ABCC3: variants seen among roughly 807,000 people sequenced by gnomAD.
The protein encoded by ABCC3 is ATP binding cassette subfamily C member 3.
A neutral mutation model predicts 165.3 loss-of-function variants in ABCC3; 121 were observed. The observed-to-expected ratio is 0.73, with a 90% CI of 0.63 to 0.85. ABCC3 has a LOEUF of 0.85. Ranked by LOEUF, ABCC3 falls within the 40% of genes least tolerant of loss-of-function variation. ABCC3 has a pLI of 0.00. For missense variants in ABCC3, 1,869 were observed against 1,964.1 expected (o/e 0.95, Z 0.92); for synonymous variants, 733 against 810.1 (o/e 0.90, Z 1.62).
At chr17:50,636,537 A>G (rs1461442250) in intron 1 of ABCC3, among the ~76,000 whole-genome samples, 1 of 152,250 alleles carries the variant, frequency 6.6e-6, no homozygotes, top group Non-Finnish European at 1.5e-5. Context: ...ACCAGGGTCC[A>G]GAGGTTGTGC....
chr17:50,672,391 A>G (rs1967668043), intron 17 of ABCC3, among the ~76,000 whole-genome samples: 2 of 152,224 alleles, frequency 1.3e-5, no homozygotes, highest in African/African-American at 4.8e-5. Context: ...ATAGGTATAT[A>G]CACATTTGTG....
At chr17:50,654,410 G>T (rs997841443) in intron 1 of ABCC3, among the ~76,000 whole-genome samples, 1 of 152,186 alleles carries the variant, frequency 6.6e-6, no homozygotes, top group African/African-American at 2.4e-5. Flanking sequence ...TTCCAAAAAA[G>T]TTCATAGGTG....
intron 17 of ABCC3, 101 bp from the exon 18 acceptor site, chr17:50,672,870 G>GAAAAAAA (rs376786367): frequency 1.2e-6 from 1 of 856,900 alleles, no homozygotes; most frequent in Non-Finnish European, 1.6e-6. Flanking sequence ...CCCATCTCAG[G>GAAAAAAA]AAAAAAAAAA....
In ABCC3 at chr17:50,690,722, T is replaced by C. The variant is rs557242334; in HGVS notation, c.4476-370T>C. On this transcript the variant is annotated intron_variant, in intron 30 of 30. Coordinates refer to ENST00000285238, the MANE Select transcript of ABCC3 (RefSeq NM_003786.4). ...GCAGCTGGTTTCCTGCCGTGTGCTTTTGTGAGCCGACACAAAGCAGATGGA... is the reference window on the plus strand; with the variant it reads ...GCAGCTGGTTTCCTGCCGTGTGCTTCTGTGAGCCGACACAAAGCAGATGGA... 9.8e-5 allele frequency among the ~76,000 whole-genome samples: 15 copies of C among 152,322 alleles called. No homozygotes were observed. In the South Asian group the frequency reaches 3.1e-3, roughly 32 times the overall value.
In ABCC3 at chr17:50,676,029, C is replaced by A; in HGVS notation, c.3006C>A (p.Asp1002Glu). The A allele has an allele frequency of 6.2e-7, 1 of 1,614,196 alleles. No homozygotes were observed. The highest frequency in any genetic ancestry group is 8.5e-7 in the Non-Finnish European group (1 of 1,180,028). The change falls in exon 22 of 31, where the codon GAC (aspartate) becomes GAA (glutamate). Residue 1002 changes from aspartate (D) to glutamate (E), a missense_variant. Physicochemically the swap from Asp to Glu is conservative, Grantham distance 45. Coordinates refer to ENST00000285238, the MANE Select transcript of ABCC3 (RefSeq NM_003786.4). ...CCTGGACAAATGATGCCATGGCAGA[C>A]AGTAGACAGAACAACACTTCCCTGA... ...LSAWTNDAMA[D>E]SRQNNTSLRL...
chr17:50,663,651 G>A, intron 8 of ABCC3, 30 bp from the exon 9 acceptor site: 2 of 1,611,522 alleles, frequency 1.2e-6, no homozygotes, highest in Middle Eastern at 1.7e-4. Context: ...GGGCAGCACT[G>A]CCCACCTCAC....
Position 50,656,020 on chromosome 17 carries a change from AG to A in ABCC3, c.222+15del. On this transcript the variant is annotated intron_variant, in intron 2 of 30. Coordinates refer to ENST00000285238, the MANE Select transcript of ABCC3 (RefSeq NM_003786.4). Reference sequence around the variant, plus strand: ...CCAAGCTCAAGATGGTCAGTGGCTCAGGGATCTCCTACCGATGGGGCTGGGC... The same window carrying A: ...CCAAGCTCAAGATGGTCAGTGGCTCAGGATCTCCTACCGATGGGGCTGGGC... The A allele has an allele frequency of 6.2e-7, 1 of 1,611,068 alleles. No homozygotes were observed. The highest frequency in any genetic ancestry group is 2.2e-5 in the East Asian group (1 of 44,820).
chr17:50,646,354 G>A (rs886274259), intron 1 of ABCC3, among the ~76,000 whole-genome samples: 8 of 152,142 alleles, frequency 5.3e-5, no homozygotes, highest in African/African-American at 1.9e-4. Context: ...ATGGGTTGGG[G>A]GAAGGGACAT....
At chr17:50,655,411 A>AAAAC (rs1203928671) in intron 1 of ABCC3, among the ~76,000 whole-genome samples, 4 of 149,040 alleles carry the variant, frequency 2.7e-5, no homozygotes, top group African/African-American at 4.9e-5. Context: ...TCTCAAAAAA[A>AAAAC]AAAAAAAAAA....
chr17:50,655,404 C>CAAAAAAAAAAA (rs58586394), intron 1 of ABCC3, among the ~76,000 whole-genome samples: 6 of 56,510 alleles, frequency 1.1e-4, no homozygotes, highest in Admixed American at 2.6e-4. Context: ...GACTCTGTCT[C>CAAAAAAAAAAA]AAAAAAAAAA....
rs1224289281 is a variant in ABCC3 at position 50,691,475 on chromosome 17, C to A, written c.*275C>A. On this transcript the variant is annotated 3_prime_UTR_variant, in exon 31 of 31. Transcript: ENST00000285238. Reference sequence around the variant, plus strand: ...CCAACTGAGTGTTATTTGCACACTGCACTGTTTTCAAATAACGATTTTATG... The same window carrying A: ...CCAACTGAGTGTTATTTGCACACTGAACTGTTTTCAAATAACGATTTTATG... The A allele has an allele frequency of 1.7e-5, 5 of 291,258 alleles. No homozygotes were observed. Among genetic ancestry groups the A allele is most frequent in the Non-Finnish European group, 3.3e-5 (5 of 152,182 alleles). The allele number at this position is 291,258 out of a possible 1,614,324, so 18.0% of individuals were successfully genotyped here.
chr17:50,665,298 T>G, intron 11 of ABCC3, 53 bp downstream of exon 11: 2 of 1,547,958 alleles, frequency 1.3e-6, no homozygotes, highest in Non-Finnish European at 1.8e-6. Context: ...GCCGGCTGCC[T>G]GGGGGAAGGT....
Position 50,667,614 on chromosome 17 carries a change from A to C in ABCC3, c.1492A>C (p.Ile498Leu). 1 of 1,614,196 alleles carries C rather than the reference A, an allele frequency of 6.2e-7. No homozygotes were observed. The highest frequency in any genetic ancestry group is 1.1e-5 in the South Asian group (1 of 91,086). Residue 498 changes from isoleucine to leucine, a missense_variant, in exon 12 of 31, where the codon ATC (isoleucine) becomes CTC (leucine). Coordinates refer to ENST00000285238, the MANE Select transcript of ABCC3 (RefSeq NM_003786.4). ...IKLMSEILNG[I>L]KVLKLYAWEP... ...GCTGATGAGTGAGATCCTGAACGGC[A>C]TCAAGGTGCTGAAGCTGTACGCCTG...
At position 50,665,157 on chromosome 17, in the gene ABCC3, T is replaced by A. The variant is rs1364071426; in HGVS notation, c.1343T>A (p.Leu448Gln). Reference sequence around the variant, plus strand: ...TATCCACCGGTGCCTCCTCAGAACCTAGGTCCCTCTGTCCTGGCTGGAGTC... The same window carrying A: ...TATCCACCGGTGCCTCCTCAGAACCAAGGTCCCTCTGTCCTGGCTGGAGTC... ...ILAIYFLWQN[L>Q]GPSVLAGVAF... The change falls in exon 11 of 31, where the codon CTA becomes CAA. Residue 448 changes from leucine (L) to glutamine (Q), a missense_variant. Transcript: ENST00000285238. 1.2e-6 allele frequency: 2 copies of A among 1,614,202 alleles called. No homozygotes were observed. The highest frequency in any genetic ancestry group is 2.2e-5 in the South Asian group (2 of 91,086).
chr17:50,684,143 C>T lies in ABCC3; in HGVS notation c.4113+36C>T, dbSNP rs767197067. On this transcript the variant is annotated intron_variant, in intron 28 of 30. Coordinates refer to ENST00000285238, the MANE Select transcript of ABCC3 (RefSeq NM_003786.4). ...GGCATGGGCTGGCCACACTCACCAACGGCCCTGGAGGCAGGCCCCACCTTG... is the reference window on the plus strand; with the variant it reads ...GGCATGGGCTGGCCACACTCACCAATGGCCCTGGAGGCAGGCCCCACCTTG... 1.2e-5 allele frequency: 19 copies of T among 1,605,194 alleles called. No individual in the cohort carries two copies. In the East Asian group the frequency reaches 2.7e-4, roughly 23 times the overall value.
At chr17:50,674,040 CTTTCTTTCTT>C (rs1967746854) in intron 19 of ABCC3, among the ~76,000 whole-genome samples, 2 of 28,912 alleles carry the variant, frequency 6.9e-5, no homozygotes, top group African/African-American at 2.7e-4. Context: ...CTCTCTCTTT[CTTTCTTTCTT>C]TCTTTCTTTC....
rs1348586251 is a variant in ABCC3 at position 50,655,892 on chromosome 17, C to G, written c.106C>G (p.Leu36Val). Residue 36 changes from leucine (L) to valine (V), a missense_variant, in exon 2 of 31, where the codon CTG becomes GTG. By Grantham distance (32) the Leu-to-Val change is conservative. Coordinates refer to ENST00000285238, the MANE Select transcript of ABCC3 (RefSeq NM_003786.4). Reference protein sequence around the residue: ...PDLTPCFQNSLLAWVPCIYLW... With the variant: ...PDLTPCFQNSVLAWVPCIYLW... The stretch of plus-strand genomic sequence containing the variant: ...CCTCACTCCCTGCTTCCAGAACTCC[C>G]TGCTGGCCTGGGTGCCCTGCATCTA... 5.0e-6 allele frequency: 8 copies of G among 1,614,002 alleles called. No homozygotes were observed. The highest frequency in any genetic ancestry group is 6.8e-6 in the Non-Finnish European group (8 of 1,179,964).
In ABCC3 at chr17:50,675,373, G is replaced by T; in HGVS notation, c.2611G>T (p.Ala871Ser). The T allele has an allele frequency of 1.2e-6, 2 of 1,612,816 alleles. No individual in the cohort carries two copies. Among genetic ancestry groups the T allele is most frequent in the Non-Finnish European group, 1.7e-6 (2 of 1,179,278 alleles). The change falls in exon 20 of 31, where the codon GCA becomes TCA. Residue 871 changes from alanine (A) to serine (S), a missense_variant. Ala to Ser is a moderately conservative substitution (Grantham distance 99, BLOSUM62 1). Transcript: ENST00000285238. ...CCACCCTACTGCAGCGTTGGAAGGTGCAGAGGATAAGGAGGCACTGCTGAT... is the reference window on the plus strand; with the variant it reads ...CCACCCTACTGCAGCGTTGGAAGGTTCAGAGGATAAGGAGGCACTGCTGAT... The part of the protein sequence containing the change: ...LEDSWTALEG[A>S]EDKEALLIED...
At chr17:50,678,708 G>T (rs1597859802) in intron 25 of ABCC3, among the ~76,000 whole-genome samples, 2 of 152,280 alleles carry the variant, frequency 1.3e-5, no homozygotes, top group East Asian at 3.9e-4. Context: ...ATCACCTGAG[G>T]CCAGGAGCTC....
Sources: allele counts gnomAD v4.1 joint callset (sites outside exome capture counted in the v4.1 genomes callset), GRCh38; gene constraint gnomAD v4.1.1; transcripts MANE v1.5; gene names NCBI Gene and HGNC (gene_info 2026-07-23, HGNC 2026-07-21).